MSMB: variants seen among roughly 807,000 people sequenced by gnomAD.
The protein encoded by MSMB is beta-microseminoprotein.
MSMB carries 10 observed loss-of-function variants against 10.5 expected under a neutral mutation model. The ratio of observed to expected loss-of-function variants is 0.95; its 90% CI spans 0.59 to 1.62. The LOEUF (loss-of-function observed/expected upper bound fraction) is 1.62, where lower values mean the gene tolerates loss of function less well. Among genes scored for constraint, MSMB ranks in the 40% most tolerant of loss-of-function variants. MSMB has a pLI of 0.00. For missense variants in MSMB, 126 were observed against 137.4 expected, an observed-to-expected ratio of 0.92 and a Z score of 0.42; for synonymous variants, 43 against 46.5, an observed-to-expected ratio of 0.93 and a Z score of 0.30.
chr10:46,045,064 C>T (rs1247463804), intron 1 of MSMB, among the ~76,000 whole-genome samples: 1 of 152,140 alleles, frequency 6.6e-6, no homozygotes, highest in Non-Finnish European at 1.5e-5. Flanking sequence ...CTCCTGAGGA[C>T]CCTCTCCCAC....
intron 3 of MSMB, 32 bp downstream of exon 3, chr10:46,038,934 C>T (rs758488973): frequency 2.9e-5 from 45 of 1,569,924 alleles, no homozygotes; most frequent in Non-Finnish European, 3.5e-5. Flanking sequence ...CAGCTATGTC[C>T]CCCTCTTGGC....
rs1270943893 is a variant in MSMB, at chr10:46,033,550, C to T, written c.217G>A (p.Val73Ile). 2 of 1,613,342 alleles carry T rather than the reference C, an allele frequency of 1.2e-6. No individual in the cohort carries two copies. Among genetic ancestry groups the T allele is most frequent in the African/African-American group, 1.3e-5 (1 of 75,034 alleles). ...YETEISCCTL[V>I]STPVGYDKDN... Reference sequence around the variant, plus strand: ...TTGTCATAACCCACAGGTGTAGAAACACTGTCATTGAGACAAAACTGGGGC... The same window carrying T: ...TTGTCATAACCCACAGGTGTAGAAATACTGTCATTGAGACAAAACTGGGGC... The change falls in exon 4 of 4, where the codon GTT becomes ATT. Residue 73 changes from valine to isoleucine, a missense_variant and splice_region_variant. Transcript: ENST00000582163.
chr10:46,038,901 C>G (rs10994385), intron 3 of MSMB, 65 bp downstream of exon 3: 252,950 of 1,372,806 alleles, frequency 0.18, 26,674 homozygotes, highest in African/African-American at 0.47. Context: ...TTTTGCAAGA[C>G]GGAGTAGCTG....
At chr10:46,036,816 T>C (rs563533772) in intron 3 of MSMB, among the ~76,000 whole-genome samples, 1 of 152,256 alleles carries the variant, frequency 6.6e-6, no homozygotes, top group African/African-American at 2.4e-5. Flanking sequence ...CTGGGTGACA[T>C]GGACATTTTA....
intron 3 of MSMB, among the ~76,000 whole-genome samples, chr10:46,035,077 T>C (rs1840571398): frequency 1.3e-5 from 2 of 152,210 alleles, no homozygotes; most frequent in African/African-American, 4.8e-5. Context: ...TTTTCTCTTA[T>C]GCTTCCCAAT....
At chr10:46,045,747 C>T (rs1840882036) in intron 1 of MSMB, among the ~76,000 whole-genome samples, 1 of 152,114 alleles carries the variant, frequency 6.6e-6, no homozygotes, top group African/African-American at 2.4e-5. Flanking sequence ...AAAATTCCCC[C>T]GGAGTTTCCA....
intron 3 of MSMB, 88 bp downstream of exon 3, chr10:46,038,878 C>T: frequency 1.7e-6 from 2 of 1,145,236 alleles, no homozygotes; most frequent in East Asian, 5.1e-5. Flanking sequence ...AACTAAACCC[C>T]TGAAGATTGG....
chr10:46,045,071 C>T (rs1840861587), intron 1 of MSMB, among the ~76,000 whole-genome samples: 1 of 152,168 alleles, frequency 6.6e-6, no homozygotes, highest in African/African-American at 2.4e-5. Flanking sequence ...GGACCCTCTC[C>T]CACCTCCCTT....
rs782393916 is a variant in MSMB, at chr10:46,033,525, T to C, written c.242A>G (p.Lys81Arg). The change falls in exon 4 of 4, where the codon AAA becomes AGA. Residue 81 changes from lysine (K) to arginine (R), a missense_variant. Lys to Arg is a conservative substitution (Grantham distance 26, BLOSUM62 2). Coordinates refer to ENST00000582163, the MANE Select transcript of MSMB (RefSeq NM_002443.4). The part of the protein sequence containing the change: ...TLVSTPVGYD[K>R]DNCQRIFKKE... ...CTTGAAGATTCTTTGGCAGTTGTCT[T>C]TGTCATAACCCACAGGTGTAGAAAC... 1.2e-6 allele frequency: 2 copies of C among 1,613,838 alleles called. No individual in the cohort carries two copies. Among genetic ancestry groups the C allele is most frequent in the South Asian group, 1.1e-5 (1 of 91,086 alleles).
At chr10:46,039,218 T>C (rs903767397) in intron 2 of MSMB, 147 bp from the exon 3 acceptor site, 7 of 687,968 alleles carry the variant, frequency 1.0e-5, no homozygotes, top group African/African-American at 5.3e-5. Context: ...ATGGTGCTCC[T>C]GTATTCACCC....
intron 3 of MSMB, 49 bp from the exon 4 acceptor site, chr10:46,033,600 G>A: frequency 6.2e-7 from 1 of 1,604,832 alleles, no homozygotes; most frequent in Non-Finnish European, 8.5e-7. Context: ...AGGACCCCGA[G>A]CACCCCCTCC....
intron 1 of MSMB, among the ~76,000 whole-genome samples, chr10:46,044,704 C>A (rs1264412140): frequency 4.6e-5 from 7 of 151,338 alleles, no homozygotes; most frequent in Admixed American, 4.6e-4. Flanking sequence ...GTAATCCCAG[C>A]ACTTTGGGAA....
At chr10:46,044,432 T>C (rs888813838) in intron 1 of MSMB, among the ~76,000 whole-genome samples, 13 of 147,132 alleles carry the variant, frequency 8.8e-5, no homozygotes, top group South Asian at 4.3e-4. Flanking sequence ...AAAAATTAGC[T>C]GGGCGTGGTG....
intron 3 of MSMB, among the ~76,000 whole-genome samples, chr10:46,038,539 C>T (rs1403130468): frequency 2.6e-5 from 4 of 152,082 alleles, no homozygotes; most frequent in African/African-American, 9.7e-5. Context: ...CCGCCCGCTT[C>T]GGCCCCCCAA....
intron 1 of MSMB, among the ~76,000 whole-genome samples, chr10:46,046,013 ACTTAGAT>A (rs2060297950): frequency 1.3e-5 from 2 of 152,336 alleles, no homozygotes; most frequent in South Asian, 4.1e-4. Context: ...AGGAAAAACA[ACTTAGAT>A]CTTAGAGAAC....
intron 3 of MSMB, among the ~76,000 whole-genome samples, chr10:46,036,396 G>A (rs1840605854): frequency 6.6e-6 from 1 of 152,238 alleles, no homozygotes; most frequent in Non-Finnish European, 1.5e-5. Context: ...CATTTCCCCT[G>A]CATGGAGCAG....
At chr10:46,043,374 T>G (rs1840795619) in intron 1 of MSMB, among the ~76,000 whole-genome samples, 1 of 152,068 alleles carries the variant, frequency 6.6e-6, no homozygotes, top group Non-Finnish European at 1.5e-5. Context: ...CTTGACAGTA[T>G]CTCAGAAATA....
intron 1 of MSMB, among the ~76,000 whole-genome samples, chr10:46,042,285 CACAG>C (rs1840772304): frequency 6.6e-6 from 1 of 152,112 alleles, no homozygotes; most frequent in Non-Finnish European, 1.5e-5. Flanking sequence ...GCATTTCACA[CACAG>C]ACACACACAC....
chr10:46,041,180 C>T (rs1277778625), intron 1 of MSMB, among the ~76,000 whole-genome samples: 1 of 151,932 alleles, frequency 6.6e-6, no homozygotes, highest in Admixed American at 6.6e-5. Flanking sequence ...CCATTCTCTA[C>T]TAAAATACCA....
Sources: gnomAD v4.1 joint callset for allele counts (sites outside exome capture counted in the v4.1 genomes callset) on GRCh38, gnomAD v4.1.1 for gene constraint, MANE v1.5 for transcripts, NCBI Gene and HGNC (gene_info 2026-07-23, HGNC 2026-07-21) for gene names.